Variants in DCAF1 observed in about 807,000 individuals in gnomAD.
The protein encoded by DCAF1 is DDB1 and CUL4 associated factor 1.
DCAF1 carries 15 observed loss-of-function variants against 128.0 expected under a neutral mutation model. That is an observed-to-expected ratio of 0.12 (90% confidence interval 0.08 to 0.18). The LOEUF (loss-of-function observed/expected upper bound fraction) is 0.18, where lower values mean the gene tolerates loss of function less well. Among genes scored for constraint, DCAF1 ranks in the 10% least tolerant of loss-of-function variants. The pLI is 1.00. For synonymous variants in DCAF1, 610 were observed against 603.0 expected (o/e 1.01, Z -0.17); for missense variants, 988 against 1,649.5 (o/e 0.60, Z 6.95).
At chr3:51,462,566 T>C (rs112223611) in intron 6 of DCAF1, among the ~76,000 whole-genome samples, 5,802 of 151,862 alleles carry the variant, frequency 0.038, 390 homozygotes, top group African/African-American at 0.13. Context: ...ACCAACATGG[T>C]GAAATCCCAT....
chr3:51,482,379 AG>A (rs1706311533), intron 3 of DCAF1, among the ~76,000 whole-genome samples: 1 of 151,106 alleles, frequency 6.6e-6, no homozygotes, highest in South Asian at 2.1e-4. Flanking sequence ...CAGGAGATCA[AG>A]GCTGCAGTGA....
At chr3:51,465,316 A>G (rs1704017969) in intron 5 of DCAF1, among the ~76,000 whole-genome samples, 1 of 152,232 alleles carries the variant, frequency 6.6e-6, no homozygotes, top group African/African-American at 2.4e-5. Flanking sequence ...TTATGGAGCA[A>G]ATGGTCAGAC....
chr3:51,499,452 G>A lies in DCAF1; in HGVS notation c.-56+421C>T, dbSNP rs1708598845. Among the ~76,000 whole-genome samples the A allele has an allele frequency of 2.0e-5, 3 of 152,182 alleles. No individual in the cohort carries two copies. The South Asian group carries it at 6.2e-4, about 31-fold the overall frequency. On this transcript the variant is annotated intron_variant, in intron 1 of 24. Transcript: ENST00000684031. Reference sequence around the variant, plus strand: ...GGAGCTGGAGGCGGAGACACAGTCCGGGAAGGGGCCCGCCGTATAGTACGG... The same window carrying A: ...GGAGCTGGAGGCGGAGACACAGTCCAGGAAGGGGCCCGCCGTATAGTACGG...
intron 10 of DCAF1, among the ~76,000 whole-genome samples, chr3:51,432,781 A>G (rs1700504852): frequency 1.3e-5 from 2 of 152,140 alleles, no homozygotes; most frequent in African/African-American, 4.8e-5. Context: ...AATAACTCAT[A>G]AATGTCATTG....
upstream of DCAF1, among the ~76,000 whole-genome samples, chr3:51,502,280 C>T (rs1263211796): frequency 1.3e-5 from 2 of 152,168 alleles, no homozygotes; most frequent in East Asian, 3.9e-4. Context: ...TGGCTCATGC[C>T]TGTAATCCCA....
At chr3:51,457,984 G>A (rs1210327425) in intron 6 of DCAF1, among the ~76,000 whole-genome samples, 2 of 152,214 alleles carry the variant, frequency 1.3e-5, no homozygotes, top group Middle Eastern at 3.4e-3. Context: ...GACCATTAAC[G>A]CTAGGAAGAA....
intron 13 of DCAF1, among the ~76,000 whole-genome samples, chr3:51,426,281 C>G (rs1699903295): frequency 6.6e-6 from 1 of 151,990 alleles, no homozygotes; most frequent in South Asian, 2.1e-4. Flanking sequence ...GTGATCTCAG[C>G]TCCCTGCAAC....
chr3:51,461,125 A>T (rs1423243776), intron 6 of DCAF1, among the ~76,000 whole-genome samples: 1 of 151,648 alleles, frequency 6.6e-6, no homozygotes, highest in Non-Finnish European at 1.5e-5. Flanking sequence ...TGAACAGGCA[A>T]CCTACAGAAT....
Position 51,459,224 on chromosome 3 carries a change from T to A in DCAF1, c.375+3890A>T, listed in dbSNP as rs1299887658. 8.5e-5 allele frequency among the ~76,000 whole-genome samples: 13 copies of A among 152,198 alleles called. No individual in the cohort carries two copies. The South Asian group carries it at 2.3e-3, about 27-fold the overall frequency. On this transcript the variant is annotated intron_variant, in intron 6 of 24. Transcript: ENST00000684031. ...ACACAATAAAAAATGATAAAGGGGA[T>A]ATCACAACCGATCCCACGGAAATAC...
chr3:51,452,991 G>A (rs1354805210), intron 6 of DCAF1, among the ~76,000 whole-genome samples: 1 of 151,280 alleles, frequency 6.6e-6, no homozygotes, highest in Non-Finnish European at 1.5e-5. Flanking sequence ...ACTCCAGCCT[G>A]GGCAACAGAG....
intron 3 of DCAF1, among the ~76,000 whole-genome samples, chr3:51,472,492 T>A (rs1704870675): frequency 6.6e-6 from 1 of 151,986 alleles, no homozygotes; most frequent in South Asian, 2.1e-4. Context: ...CCTCAAGCAA[T>A]CCTCCTGCCT....
chr3:51,439,938 G>C (rs782781589), intron 9 of DCAF1, among the ~76,000 whole-genome samples: 5 of 152,006 alleles, frequency 3.3e-5, no homozygotes, highest in Non-Finnish European at 5.9e-5. Flanking sequence ...GTTCCAGTGA[G>C]CAGAAATCAC....
intron 24 of DCAF1, among the ~76,000 whole-genome samples, chr3:51,399,168 A>C (rs1266779537): frequency 1.3e-5 from 2 of 152,264 alleles, no homozygotes; most frequent in African/African-American, 4.8e-5. Flanking sequence ...TGACGGGAGC[A>C]GTGAGTAAGC....
intron 13 of DCAF1, among the ~76,000 whole-genome samples, chr3:51,425,857 C>A (rs1388402987): frequency 6.6e-6 from 1 of 152,098 alleles, no homozygotes; most frequent in Admixed American, 6.5e-5. Context: ...AACCACCACG[C>A]CTGGCCTATC....
In DCAF1 at chr3:51,420,540, A is replaced by T. The variant is rs1699302799; in HGVS notation, c.2430T>A (p.Ala810=). 6.2e-7 allele frequency: 1 copy of T among 1,613,848 alleles called. No homozygotes were observed. The highest frequency in any genetic ancestry group is 1.3e-5 in the African/African-American group (1 of 74,956). Residue 810 remains alanine (A), a synonymous_variant, in exon 15 of 25, where the codon GCT becomes GCA. Transcript: ENST00000684031. The surrounding 1 kb of genome is among the most constrained non-coding windows in gnomAD (Gnocchi z 6.5). ...SDHVKFCKYA[A]ELIERVSGKP... Reference sequence around the variant, plus strand: ...TTCCTGACACCCGTTCAATGAGTTCAGCAGCATACTTGCAGAACTTGACAT... The same window carrying T: ...TTCCTGACACCCGTTCAATGAGTTCTGCAGCATACTTGCAGAACTTGACAT...
intron 15 of DCAF1, among the ~76,000 whole-genome samples, chr3:51,419,364 A>C (rs1699188780): frequency 6.6e-6 from 1 of 152,062 alleles, no homozygotes; most frequent in Non-Finnish European, 1.5e-5. Context: ...GTCTCCAAAA[A>C]AAAAAAAAAT....
At chr3:51,433,909 C>T (rs1700594895) in intron 9 of DCAF1, among the ~76,000 whole-genome samples, 1 of 151,018 alleles carries the variant, frequency 6.6e-6, no homozygotes, top group Non-Finnish European at 1.5e-5. Context: ...GGCGAAATCC[C>T]GTCTCTACTA....
chr3:51,431,288 C>T (rs1236522807), intron 10 of DCAF1, among the ~76,000 whole-genome samples: 2 of 151,156 alleles, frequency 1.3e-5, no homozygotes, highest in African/African-American at 4.9e-5. Context: ...GAGGCTGAGG[C>T]GGGTGGATCA....
chr3:51,436,535 T>G (rs182281345), intron 9 of DCAF1: 1 of 440,902 alleles, frequency 2.3e-6, no homozygotes, highest in African/African-American at 2.0e-5. Flanking sequence ...TATGCTAGGA[T>G]AGACTGTATA....
Sources: allele counts gnomAD v4.1 joint callset (sites outside exome capture counted in the v4.1 genomes callset), GRCh38; gene constraint gnomAD v4.1.1; non-coding constraint Gnocchi (gnomAD v3.1); transcripts MANE v1.5; gene names NCBI Gene and HGNC (gene_info 2026-07-23, HGNC 2026-07-21).